NFU1: variants seen among roughly 807,000 people sequenced by gnomAD.
NFU1 encodes the protein NFU1 iron-sulfur cluster scaffold homolog, mitochondrial.
Under a neutral mutation model 32.2 loss-of-function variants are expected in NFU1, and 30 were observed. The ratio of observed to expected loss-of-function variants is 0.93; its 90% CI spans 0.70 to 1.26. NFU1 has a LOEUF of 1.26. NFU1 is among the 50% of genes most tolerant of loss of function. The probability of loss-of-function intolerance (pLI) is 0.00; values close to 1 mark genes in which losing one functional copy is unlikely to be tolerated. For synonymous variants in NFU1, 112 were observed against 104.6 expected, an observed-to-expected ratio of 1.07 and a Z score of -0.43; for missense variants, 306 against 306.6, an observed-to-expected ratio of 1.00 and a Z score of 0.02.
chr2:69,413,454 T>C (rs1250379782), intron 5 of NFU1, among the ~76,000 whole-genome samples: 4 of 151,900 alleles, frequency 2.6e-5, no homozygotes, highest in African/African-American at 9.7e-5. Flanking sequence ...ATTCCACTTT[T>C]AGGAACATAA....
At chr2:69,420,935 G>A (rs898156809) in intron 3 of NFU1, among the ~76,000 whole-genome samples, 3 of 151,988 alleles carry the variant, frequency 2.0e-5, no homozygotes, top group African/African-American at 7.2e-5. Context: ...AAAAAAGTAC[G>A]AAAAACAGCC....
At chr2:69,437,574 GAGGTTTGC>G, upstream of NFU1, 1 of 909,308 alleles carries the variant, frequency 1.1e-6, no homozygotes, top group Non-Finnish European at 1.7e-6. Flanking sequence ...CCTACGCGCC[GAGGTTTGC>G]AGGCTACTGC....
At chr2:69,409,985 T>C (rs1672825199) in intron 5 of NFU1, among the ~76,000 whole-genome samples, 1 of 152,146 alleles carries the variant, frequency 6.6e-6, no homozygotes, top group Non-Finnish European at 1.5e-5. Flanking sequence ...TTATTAACAT[T>C]GATGAACTAC....
At chr2:69,412,438 G>A (rs929936619) in intron 5 of NFU1, among the ~76,000 whole-genome samples, 1 of 151,510 alleles carries the variant, frequency 6.6e-6, no homozygotes, top group Non-Finnish European at 1.5e-5. Context: ...CCAGGCTGGA[G>A]TGCAGTGGCA....
chr2:69,404,769 A>G (rs1672643822), intron 6 of NFU1, among the ~76,000 whole-genome samples: 1 of 150,648 alleles, frequency 6.6e-6, no homozygotes. Flanking sequence ...ACAGATGCCC[A>G]CCACCACGCC....
chr2:69,418,863 C>T (rs1337960515), intron 4 of NFU1, among the ~76,000 whole-genome samples: 3 of 152,110 alleles, frequency 2.0e-5, no homozygotes, highest in Non-Finnish European at 4.4e-5. Context: ...TTTTCACACA[C>T]TATCAGGCAA....
upstream of NFU1, chr2:69,437,443 G>A (rs371955702): frequency 1.2e-5 from 20 of 1,608,806 alleles, no homozygotes; most frequent in Non-Finnish European, 1.5e-5. Context: ...AGTGCCTAAG[G>A]GTCTCCCTGA....
intron 1 of NFU1, 124 bp from the exon 2 acceptor site, chr2:69,432,129 T>TAG: frequency 1.5e-6 from 1 of 679,096 alleles, no homozygotes. Context: ...TAGAAATAAT[T>TAG]AGAGAACTGA....
chr2:69,420,720 G>C (rs1490954119), intron 3 of NFU1, among the ~76,000 whole-genome samples: 2 of 152,172 alleles, frequency 1.3e-5, no homozygotes, highest in Admixed American at 6.5e-5. Flanking sequence ...TTAAAACCCA[G>C]TAGTGAGTTG....
At chr2:69,407,659 A>G (rs1240028496) in intron 5 of NFU1, among the ~76,000 whole-genome samples, 1 of 145,038 alleles carries the variant, frequency 6.9e-6, no homozygotes, top group African/African-American at 2.6e-5. Flanking sequence ...TGGCTAACAG[A>G]GCAAGACTCT....
chr2:69,426,494 C>T (rs1673459324), intron 2 of NFU1, among the ~76,000 whole-genome samples: 1 of 151,956 alleles, frequency 6.6e-6, no homozygotes, highest in African/African-American at 2.4e-5. Flanking sequence ...CCATGTTGGC[C>T]AGGCTAATCT....
chr2:69,418,387 A>C (rs181015979), intron 4 of NFU1, among the ~76,000 whole-genome samples: 9 of 152,272 alleles, frequency 5.9e-5, no homozygotes, highest in Non-Finnish European at 1.0e-4. Flanking sequence ...GTGTGGAGTG[A>C]GACTTTGTCT....
chr2:69,397,636 G>A (rs1334369072), intron 7 of NFU1, among the ~76,000 whole-genome samples: 1 of 151,384 alleles, frequency 6.6e-6, no homozygotes, highest in East Asian at 1.9e-4. Flanking sequence ...ATCTAGGCCA[G>A]GCACAGTGGC....
intron 4 of NFU1, among the ~76,000 whole-genome samples, chr2:69,418,728 C>G (rs1486290556): frequency 1.3e-5 from 2 of 151,890 alleles, no homozygotes; most frequent in African/African-American, 4.8e-5. Context: ...CTCGGCCTCC[C>G]AAAGTGCTGG....
At chr2:69,424,751 T>C (rs1409388547) in intron 2 of NFU1, among the ~76,000 whole-genome samples, 8 of 152,196 alleles carry the variant, frequency 5.3e-5, no homozygotes, top group Non-Finnish European at 8.8e-5. Context: ...CTGACATTAA[T>C]ACACTAAAAT....
chr2:69,409,829 A>C (rs540735102), intron 5 of NFU1, among the ~76,000 whole-genome samples: 7 of 152,164 alleles, frequency 4.6e-5, no homozygotes, highest in Non-Finnish European at 1.0e-4. Flanking sequence ...ATCCATCCCC[A>C]TGACCCACTC....
intron 1 of NFU1, among the ~76,000 whole-genome samples, chr2:69,433,092 GTGAGCCGAGATC>G (rs1673701112): frequency 5.2e-5 from 1 of 19,156 alleles, no homozygotes; most frequent in African/African-American, 9.7e-4. Context: ...GTAGGTTGCA[GTGAGCCGAGATC>G]GTGCCACTGC....
chr2:69,424,201 A>ATATATATATATATG lies in NFU1; in HGVS notation c.167-485_167-484insCATATATATATATA, dbSNP rs1553401328. Among the ~76,000 whole-genome samples, 10 of 82,174 alleles carry ATATATATATATATG rather than the reference A, an allele frequency of 1.2e-4. No individual in the cohort carries two copies. The East Asian group carries it at 2.8e-3, about 23-fold the overall frequency. 53.9% of individuals were successfully genotyped at this position (82,174 alleles called of 152,430 possible). ...AAAAAAAAAAAAAAAAAAAAAAAAT[A>ATATATATATATATG]TATATATATATATATATATCTCAAT... On this transcript the variant is annotated intron_variant, in intron 2 of 7. Transcript: ENST00000410022.
rs773351968 is a variant in NFU1, at chr2:69,437,351, C to G, written c.62+10G>C. 7 of 1,605,468 alleles carry G rather than the reference C, an allele frequency of 4.4e-6. No individual in the cohort carries two copies. The highest frequency in any genetic ancestry group is 3.3e-5 in the South Asian group (3 of 90,356). ...GCACACCTATTCGGAGCTCCAGGCT[C>G]GTCACCTACCGCCTGCGCAGCCCGG... On this transcript the variant is annotated intron_variant, in intron 1 of 7. Coordinates refer to ENST00000410022, the MANE Select transcript of NFU1 (RefSeq NM_001002755.4).
Sources: gnomAD v4.1 joint callset for allele counts (sites outside exome capture counted in the v4.1 genomes callset) on GRCh38, gnomAD v4.1.1 for gene constraint, MANE v1.5 for transcripts, NCBI Gene and HGNC (gene_info 2026-07-23, HGNC 2026-07-21) for gene names.